Variants in NSUN6 observed in about 807,000 individuals in gnomAD.
NSUN6 encodes the protein NOP2/Sun RNA methyltransferase 6.
A neutral mutation model predicts 58.0 loss-of-function variants in NSUN6; 64 were observed. That is an observed-to-expected ratio of 1.10 (90% CI 0.90 to 1.36). The LOEUF is 1.36. NSUN6 is among the 40% of genes most tolerant of loss of function. NSUN6 has a pLI of 0.00. For missense variants in NSUN6, 701 were observed against 550.1 expected (o/e 1.27, Z -2.74); for synonymous variants, 231 against 193.9 (o/e 1.19, Z -1.59).
At chr10:18,603,519 G>A (rs1428123707) in intron 6 of NSUN6, among the ~76,000 whole-genome samples, 1 of 149,560 alleles carries the variant, frequency 6.7e-6, no homozygotes, top group African/African-American at 2.5e-5. Flanking sequence ...CGCCCAGGCT[G>A]GAGTGCAATG....
chr10:18,555,784 A>AGAATGGAATGGAAAGGAGGATG (rs2054959233), intron 8 of NSUN6, among the ~76,000 whole-genome samples: 1 of 150,828 alleles, frequency 6.6e-6, no homozygotes, highest in South Asian at 2.1e-4. Flanking sequence ...AATGGAATGG[A>AGAATGGAATGGAAAGGAGGATG]GAATGGAATG....
At chr10:18,552,251 G>A (rs959776954) in intron 8 of NSUN6, among the ~76,000 whole-genome samples, 2 of 152,102 alleles carry the variant, frequency 1.3e-5, no homozygotes, top group Admixed American at 1.3e-4. Context: ...AACTTCAGAA[G>A]CCACAACTCA....
At chr10:18,603,413 T>C (rs1251025888) in intron 6 of NSUN6, among the ~76,000 whole-genome samples, 1 of 152,200 alleles carries the variant, frequency 6.6e-6, no homozygotes, top group African/African-American at 2.4e-5. Context: ...AATGTACATA[T>C]TGGTGGAGGT....
At chr10:18,606,739 A>C (rs145177774) in intron 6 of NSUN6, among the ~76,000 whole-genome samples, 47 of 152,302 alleles carry the variant, frequency 3.1e-4, no homozygotes, top group African/African-American at 1.1e-3. Context: ...TTTCAACCTG[A>C]TGAGAGGAAG....
intron 4 of NSUN6, 85 bp from the exon 5 acceptor site, chr10:18,614,698 C>CT (rs1341329244): frequency 3.3e-5 from 19 of 568,502 alleles, no homozygotes; most frequent in Non-Finnish European, 4.7e-5. Flanking sequence ...TCGGTGATCT[C>CT]TAGAGGCATC....
intron 8 of NSUN6, among the ~76,000 whole-genome samples, chr10:18,577,313 G>A (rs1463980976): frequency 6.6e-6 from 1 of 152,164 alleles, no homozygotes; most frequent in Non-Finnish European, 1.5e-5. Context: ...TGACTGCTCT[G>A]TCTAATGAGT....
At chr10:18,652,718 C>G, upstream of NSUN6, 1 of 418,588 alleles carries the variant, frequency 2.4e-6, no homozygotes, top group Non-Finnish European at 3.2e-6. Flanking sequence ...TGCCACCAGG[C>G]CCAGCTAATC....
intron 6 of NSUN6, among the ~76,000 whole-genome samples, chr10:18,601,211 G>A (rs1309884685): frequency 6.6e-6 from 1 of 151,544 alleles, no homozygotes; most frequent in African/African-American, 2.4e-5. Flanking sequence ...AATCAAAGCT[G>A]GCATAGATTC....
At chr10:18,570,866 C>T (rs563316880) in intron 8 of NSUN6, among the ~76,000 whole-genome samples, 12 of 150,644 alleles carry the variant, frequency 8.0e-5, no homozygotes, top group Middle Eastern at 3.5e-3. Flanking sequence ...CTTCCATTCT[C>T]CACTGCATTC....
At chr10:18,553,182 A>T (rs2054724285) in intron 8 of NSUN6, among the ~76,000 whole-genome samples, 2 of 149,368 alleles carry the variant, frequency 1.3e-5, no homozygotes, top group Admixed American at 1.3e-4. Flanking sequence ...ATTCCATTGC[A>T]TTCTCCATTC....
At position 18,623,913 on chromosome 10, in the gene NSUN6, C is replaced by G. The variant is rs549943450; in HGVS notation, c.312-7620G>C. 4.6e-5 allele frequency among the ~76,000 whole-genome samples: 7 copies of G among 152,264 alleles called. No homozygotes were observed. In the South Asian group the frequency reaches 1.2e-3, roughly 27 times the overall value. On this transcript the variant is annotated intron_variant, in intron 3 of 10. Transcript: ENST00000377304. ...TTCCCAGAAAACTTATCTGACTAGT[C>G]CCATAGGCATGCTCTTTCCCCCATT...
intron 8 of NSUN6, among the ~76,000 whole-genome samples, chr10:18,566,288 C>CTTTTT (rs762100495): frequency 4.5e-5 from 6 of 133,892 alleles, no homozygotes; most frequent in Non-Finnish European, 8.8e-5. Flanking sequence ...ATTCTCCATC[C>CTTTTT]CATTCTATTC....
At chr10:18,635,028 C>T (rs139512059) in intron 3 of NSUN6, among the ~76,000 whole-genome samples, 1 of 152,132 alleles carries the variant, frequency 6.6e-6, no homozygotes, top group Non-Finnish European at 1.5e-5. Context: ...GTACAAGGTA[C>T]AAACATGTTT....
intron 5 of NSUN6, among the ~76,000 whole-genome samples, chr10:18,611,512 C>A: frequency 6.6e-6 from 1 of 152,008 alleles, no homozygotes; most frequent in East Asian, 1.9e-4. Context: ...ATAAACTCCC[C>A]TCGGTTTTGT....
chr10:18,614,878 T>C (rs12763271), intron 4 of NSUN6, among the ~76,000 whole-genome samples: 190 of 152,194 alleles, frequency 1.2e-3, no homozygotes, highest in Non-Finnish European at 2.0e-3. Flanking sequence ...ACTGGAAATC[T>C]CAAGCTGAGC....
chr10:18,580,851 C>A (rs2056873081), intron 8 of NSUN6, among the ~76,000 whole-genome samples: 1 of 152,180 alleles, frequency 6.6e-6, no homozygotes, highest in African/African-American at 2.4e-5. Context: ...TCAATTCTTG[C>A]CCCCTCAGGA....
At chr10:18,622,020 T>C (rs1017776409) in intron 3 of NSUN6, among the ~76,000 whole-genome samples, 19 of 150,288 alleles carry the variant, frequency 1.3e-4, no homozygotes, top group East Asian at 7.8e-4. Flanking sequence ...CACACATATA[T>C]ATATATATAT....
chr10:18,623,928 T>G (rs1486981841), intron 3 of NSUN6, among the ~76,000 whole-genome samples: 2 of 152,170 alleles, frequency 1.3e-5, no homozygotes, highest in Non-Finnish European at 2.9e-5. Context: ...AGGCATGCTC[T>G]TTCCCCCATT....
At chr10:18,562,003 T>C (rs1359885575) in intron 8 of NSUN6, among the ~76,000 whole-genome samples, 1 of 146,080 alleles carries the variant, frequency 6.8e-6, no homozygotes, top group South Asian at 2.2e-4. Flanking sequence ...GAATGGAGAA[T>C]TGAAAGGAAT....
Sources: gnomAD v4.1 joint callset for allele counts (sites outside exome capture counted in the v4.1 genomes callset) on GRCh38, gnomAD v4.1.1 for gene constraint, MANE v1.5 for transcripts, NCBI Gene and HGNC (gene_info 2026-07-23, HGNC 2026-07-21) for gene names.